LRRC18: variants seen among roughly 807,000 people sequenced by gnomAD.
The protein encoded by LRRC18 is leucine rich repeat containing 18.
Under a neutral mutation model 11.2 loss-of-function variants are expected in LRRC18, and 12 were observed. That is an observed-to-expected ratio of 1.07 (90% CI 0.69 to 1.74). LRRC18 has a LOEUF of 1.74. LRRC18 is among the 40% of genes most tolerant of loss of function. The pLI is 0.00. For synonymous variants in LRRC18, 155 were observed against 130.6 expected (o/e 1.19, Z -1.27); for missense variants, 374 against 330.5 (o/e 1.13, Z -1.02).
chr10:48,931,512 G>A, the LRRC18 span, among the ~76,000 whole-genome samples: 1 of 152,170 alleles, frequency 6.6e-6, no homozygotes, highest in African/African-American at 2.4e-5. Context: ...CCCGTATTAT[G>A]GTGCAATATG....
At chr10:48,920,059 A>C in the LRRC18 span, among the ~76,000 whole-genome samples, 1 of 152,188 alleles carries the variant, frequency 6.6e-6, no homozygotes, top group Non-Finnish European at 1.5e-5. Context: ...TATAAATGAC[A>C]GCCCAAACTT....
the LRRC18 span, among the ~76,000 whole-genome samples, chr10:48,921,435 C>T: frequency 3.3e-5 from 5 of 151,990 alleles, no homozygotes; most frequent in Non-Finnish European, 7.4e-5. Context: ...TAAACCTTGG[C>T]CTAATTAACA....
the LRRC18 span, among the ~76,000 whole-genome samples, chr10:48,926,842 A>G: frequency 2.0e-5 from 3 of 152,186 alleles, no homozygotes; most frequent in Non-Finnish European, 2.9e-5. Context: ...CTTCATAGGC[A>G]TGTGTCCCCA....
chr10:48,930,219 C>T, the LRRC18 span, among the ~76,000 whole-genome samples: 4 of 152,200 alleles, frequency 2.6e-5, no homozygotes, highest in African/African-American at 7.2e-5. Flanking sequence ...TGAGAGTCAG[C>T]TGCTACATAA....
At chr10:48,935,616 T>TTTG in the LRRC18 span, among the ~76,000 whole-genome samples, 1 of 152,246 alleles carries the variant, frequency 6.6e-6, no homozygotes, top group Non-Finnish European at 1.5e-5. Flanking sequence ...TTGAGAGGGC[T>TTTG]GTCTTTCATC....
At chr10:48,916,817 C>A (rs1838580578), upstream of LRRC18, among the ~76,000 whole-genome samples, 1 of 75,602 alleles carries the variant, frequency 1.3e-5, no homozygotes, top group African/African-American at 4.4e-5. Flanking sequence ...AATGGAATAA[C>A]CTACTACAGA....
chr10:48,931,213 A>G, the LRRC18 span, among the ~76,000 whole-genome samples: 2 of 152,200 alleles, frequency 1.3e-5, no homozygotes, highest in Non-Finnish European at 2.9e-5. Flanking sequence ...GCAGTTGCAG[A>G]TAGAGGATAC....
At chr10:48,916,226 G>T (rs146738552), upstream of LRRC18, among the ~76,000 whole-genome samples, 1,631 of 152,248 alleles carry the variant, frequency 0.011, 27 homozygotes, top group African/African-American at 0.037. Flanking sequence ...GGACTCAAGG[G>T]CAGCCCAGAA....
chr10:48,928,125 C>T, the LRRC18 span, among the ~76,000 whole-genome samples: 1 of 152,158 alleles, frequency 6.6e-6, no homozygotes, highest in Non-Finnish European at 1.5e-5. Context: ...CTCCTCTCCT[C>T]CCGCAGATTA....
chr10:48,914,891 G>A (rs543019847), upstream of LRRC18, among the ~76,000 whole-genome samples: 1 of 152,308 alleles, frequency 6.6e-6, no homozygotes, highest in African/African-American at 2.4e-5. Context: ...TGCGGGCAAA[G>A]CTCATGGAGA....
At chr10:48,922,173 C>A in the LRRC18 span, among the ~76,000 whole-genome samples, 4 of 152,244 alleles carry the variant, frequency 2.6e-5, no homozygotes, top group East Asian at 7.7e-4. Context: ...AAATGGAAAA[C>A]CCCAGAAATA....
chr10:48,923,506 A>ATATATATATATATATATATATATATG, the LRRC18 span, among the ~76,000 whole-genome samples: 1 of 115,168 alleles, frequency 8.7e-6, no homozygotes, highest in South Asian at 3.4e-4. Context: ...GTATATATAT[A>ATATATATATATATATATATATATATG]TATATATGTC....
At chr10:48,939,583 G>A in the LRRC18 span, among the ~76,000 whole-genome samples, 1 of 152,174 alleles carries the variant, frequency 6.6e-6, no homozygotes, top group Non-Finnish European at 1.5e-5. Context: ...AAACTTACAT[G>A]ATAATGATGG....
chr10:48,911,847 T>C (rs779994478), intron 1 of LRRC18, among the ~76,000 whole-genome samples: 4 of 152,196 alleles, frequency 2.6e-5, no homozygotes, highest in Non-Finnish European at 1.5e-5. Flanking sequence ...AATCTAGATC[T>C]CCCAAGGTTT....
chr10:48,919,993 TA>T, the LRRC18 span, among the ~76,000 whole-genome samples: 3 of 152,040 alleles, frequency 2.0e-5, no homozygotes, highest in African/African-American at 7.2e-5. Context: ...TGAACATAGT[TA>T]CAAAAATCCT....
the LRRC18 span, among the ~76,000 whole-genome samples, chr10:48,930,685 T>C: frequency 2.6e-5 from 4 of 151,788 alleles, no homozygotes; most frequent in Admixed American, 6.6e-5. Context: ...CCATTTAAAA[T>C]AGTAAAAAAA....
At chr10:48,939,260 T>A in the LRRC18 span, among the ~76,000 whole-genome samples, 1 of 152,214 alleles carries the variant, frequency 6.6e-6, no homozygotes, top group Non-Finnish European at 1.5e-5. Flanking sequence ...TCCTGAACAA[T>A]GTCAACATCG....
the LRRC18 span, among the ~76,000 whole-genome samples, chr10:48,926,775 T>C: frequency 6.6e-6 from 1 of 152,082 alleles, no homozygotes; most frequent in Admixed American, 6.6e-5. Flanking sequence ...TAATTGACAA[T>C]GAAAGAGAGA....
chr10:48,926,408 C>G, the LRRC18 span, among the ~76,000 whole-genome samples: 1 of 152,154 alleles, frequency 6.6e-6, no homozygotes, highest in Non-Finnish European at 1.5e-5. Flanking sequence ...AATGTCACCC[C>G]CTAGAGAGTC....
Sources: allele counts gnomAD v4.1 joint callset (sites outside exome capture counted in the v4.1 genomes callset), GRCh38; gene constraint gnomAD v4.1.1; transcripts MANE v1.5; gene names NCBI Gene and HGNC (gene_info 2026-07-23, HGNC 2026-07-21).